The following WWOX variants were observed in gnomAD, a reference collection of about 807,000 sequenced individuals.
WWOX encodes the protein WW domain containing oxidoreductase.
WWOX carries 69 observed loss-of-function variants against 46.2 expected under a neutral mutation model. The observed-to-expected ratio is 1.49, with a 90% confidence interval of 1.23 to 1.82. The LOEUF is 1.82. Ranked by LOEUF, WWOX falls within the 40% of genes most tolerant of loss-of-function variation. WWOX has a pLI of 0.00. For synonymous variants in WWOX, 359 were observed against 202.6 expected, an observed-to-expected ratio of 1.77 and a Z score of -6.56; for missense variants, 919 against 542.6, an observed-to-expected ratio of 1.69 and a Z score of -6.89.
intron 5 of WWOX, among the ~76,000 whole-genome samples, chr16:78,331,513 A>G (rs1248857406): frequency 6.6e-6 from 1 of 152,106 alleles, no homozygotes. Context: ...TTGTCCATTC[A>G]TTTTGCTTTG....
At chr16:79,023,078 A>G (rs949729261) in intron 8 of WWOX, among the ~76,000 whole-genome samples, 17 of 152,150 alleles carry the variant, frequency 1.1e-4, no homozygotes, top group Non-Finnish European at 1.8e-4. Context: ...AATAACCACA[A>G]TATAGCAACA....
At chr16:78,464,693 C>A (rs1052163020) in intron 8 of WWOX, among the ~76,000 whole-genome samples, 2 of 152,114 alleles carry the variant, frequency 1.3e-5, no homozygotes, top group Non-Finnish European at 2.9e-5. Context: ...TGCCCCCACC[C>A]GTGCAGCAAT....
chr16:78,912,008 C>T (rs986154766), intron 8 of WWOX, among the ~76,000 whole-genome samples: 1 of 152,020 alleles, frequency 6.6e-6, no homozygotes, highest in Non-Finnish European at 1.5e-5. Flanking sequence ...GAAAAATACA[C>T]AGTAGTCCAG....
rs550963688 is a variant in WWOX, at chr16:78,735,166, C to T, written c.1056+302414C>T. On this transcript the variant is annotated intron_variant, in intron 8 of 8. Coordinates refer to ENST00000566780, the MANE Select transcript of WWOX (RefSeq NM_016373.4). ...ACAGGGGTGAGCCACCACGTCTGGC[C>T]TGACATCAGTCTTTTCCTGCCTTCA... Among the ~76,000 whole-genome samples, 350 of 152,070 alleles carry T rather than the reference C, an allele frequency of 2.3e-3. 2 individuals are homozygous for T. The highest frequency in any genetic ancestry group is 8.0e-3 in the African/African-American group (331 of 41,520).
At chr16:78,535,223 C>T (rs926497781) in intron 8 of WWOX, 2 of 152,188 alleles carry the variant, frequency 1.3e-5, no homozygotes, top group Non-Finnish European at 2.9e-5. Context: ...GAGATAAGAT[C>T]ACCTGCTAAT....
At chr16:78,520,877 G>T (rs940388100) in intron 8 of WWOX, among the ~76,000 whole-genome samples, 1 of 152,102 alleles carries the variant, frequency 6.6e-6, no homozygotes, top group Non-Finnish European at 1.5e-5. Context: ...GGCAAGAGAC[G>T]AATTTACATT....
intron 8 of WWOX, among the ~76,000 whole-genome samples, chr16:78,759,016 G>A (rs1287255774): frequency 6.6e-6 from 1 of 150,718 alleles, no homozygotes; most frequent in African/African-American, 2.4e-5. Flanking sequence ...AGCTCCTGAT[G>A]TCTAGCAGGA....
chr16:78,373,068 C>T (rs371425756), intron 5 of WWOX, among the ~76,000 whole-genome samples: 2 of 152,158 alleles, frequency 1.3e-5, no homozygotes, highest in African/African-American at 4.8e-5. Context: ...TCCTAACTTT[C>T]ATTTCTGCTT....
At chr16:78,776,641 A>C (rs2050196633) in intron 8 of WWOX, among the ~76,000 whole-genome samples, 1 of 152,070 alleles carries the variant, frequency 6.6e-6, no homozygotes, top group Non-Finnish European at 1.5e-5. Context: ...TGCTATAAAA[A>C]ACTGCCCGAG....
At chr16:79,102,104 G>C (rs1437896192) in intron 8 of WWOX, among the ~76,000 whole-genome samples, 1 of 149,082 alleles carries the variant, frequency 6.7e-6, no homozygotes, top group African/African-American at 2.5e-5. Flanking sequence ...GGGTGGGCAG[G>C]TTCAGGGACT....
chr16:78,484,804 C>G (rs28374221), intron 8 of WWOX, among the ~76,000 whole-genome samples: 1 of 151,784 alleles, frequency 6.6e-6, no homozygotes. Flanking sequence ...GTCCTGAAGT[C>G]GAGGTTCTGG....
chr16:78,247,568 C>T (rs970108026), intron 5 of WWOX, among the ~76,000 whole-genome samples: 10 of 152,140 alleles, frequency 6.6e-5, no homozygotes, highest in Non-Finnish European at 7.4e-5. Context: ...CTATTTCCTT[C>T]GGATCTGTTG....
chr16:79,212,438 TTA>T lies in WWOX; in HGVS notation c.*643_*644del. ...TTGCTAATGCTATGCAAAAAATTCT[TTA>T]GAGATTATAACAAATTTTTCAAATC... On this transcript the variant is annotated 3_prime_UTR_variant, in exon 9 of 9. Coordinates refer to ENST00000566780, the MANE Select transcript of WWOX (RefSeq NM_016373.4). 3.5e-6 allele frequency: 1 copy of T among 286,566 alleles called. No individual in the cohort carries two copies. The highest frequency in any genetic ancestry group is 6.1e-5 in the East Asian group (1 of 16,324). The allele number at this position is 286,566 out of a possible 1,614,324, so 17.8% of individuals were successfully genotyped here.
chr16:78,456,086 G>C (rs894626488), intron 8 of WWOX, among the ~76,000 whole-genome samples: 3 of 152,188 alleles, frequency 2.0e-5, no homozygotes, highest in African/African-American at 7.2e-5. Flanking sequence ...TGTAACTAAA[G>C]GGGGTGGAGG....
chr16:79,049,142 T>C (rs2048119622), intron 8 of WWOX, among the ~76,000 whole-genome samples: 1 of 152,224 alleles, frequency 6.6e-6, no homozygotes. Context: ...TTAGACTTTG[T>C]GACCCATACA....
intron 8 of WWOX, among the ~76,000 whole-genome samples, chr16:78,855,865 G>T (rs566467603): frequency 3.3e-5 from 5 of 152,158 alleles, no homozygotes; most frequent in Non-Finnish European, 7.3e-5. Context: ...AGGGGATCCA[G>T]GGAAAATTGA....
chr16:78,183,776 G>A (rs771342177), intron 5 of WWOX, among the ~76,000 whole-genome samples: 2 of 152,100 alleles, frequency 1.3e-5, no homozygotes, highest in Non-Finnish European at 2.9e-5. Flanking sequence ...TTGTGCCCAC[G>A]AGGGACTGGC....
chr16:78,449,800 G>C (rs2083648234), intron 8 of WWOX, among the ~76,000 whole-genome samples: 1 of 152,138 alleles, frequency 6.6e-6, no homozygotes, highest in Non-Finnish European at 1.5e-5. Context: ...TTTAGTAGAA[G>C]GGGCCCTTGT....
intron 8 of WWOX, among the ~76,000 whole-genome samples, chr16:78,535,913 A>T (rs1198043413): frequency 6.6e-6 from 1 of 152,182 alleles, no homozygotes; most frequent in African/African-American, 2.4e-5. Flanking sequence ...GGGATAATTT[A>T]TTGACAGTGG....
Sources: allele counts gnomAD v4.1 joint callset (sites outside exome capture counted in the v4.1 genomes callset), GRCh38; gene constraint gnomAD v4.1.1; transcripts MANE v1.5; gene names NCBI Gene and HGNC (gene_info 2026-07-23, HGNC 2026-07-21).